Variants in PFKP observed in about 807,000 individuals in gnomAD.
The protein encoded by PFKP is phosphofructokinase, platelet, also known as ATP-dependent 6-phosphofructokinase, platelet type.
A neutral mutation model predicts 94.3 loss-of-function variants in PFKP; 101 were observed. The observed-to-expected ratio is 1.07, with a 90% CI of 0.91 to 1.26. The LOEUF is 1.26. Ranked by LOEUF, PFKP falls within the 50% of genes most tolerant of loss-of-function variation. The pLI, the probability that PFKP is intolerant of heterozygous loss-of-function variation, is 0.00. For missense variants in PFKP, 1,145 were observed against 1,103.3 expected (o/e 1.04, Z -0.53); for synonymous variants, 573 against 432.6 (o/e 1.32, Z -4.03).
chr10:3,108,260 T>C (rs77945706), intron 8 of PFKP, among the ~76,000 whole-genome samples: 2,447 of 152,308 alleles, frequency 0.016, 63 homozygotes, highest in African/African-American at 0.056. Context: ...ACCGGGCCGG[T>C]GTGCCCATGG....
intron 20 of PFKP, among the ~76,000 whole-genome samples, chr10:3,135,218 C>T (rs1228636341): frequency 6.6e-6 from 1 of 152,034 alleles, no homozygotes; most frequent in African/African-American, 2.4e-5. Context: ...CTTAATCAGT[C>T]ATAGCAGATG....
In PFKP at chr10:3,136,710, AC is replaced by A; in HGVS notation, c.*133del. On this transcript the variant is annotated 3_prime_UTR_variant, in exon 22 of 22. Transcript: ENST00000381125. ...TAATCGGCGAGTGCCCATCTGCCCC[AC>A]CTGCTCCAGTGCGTGCTGTCTGTGG... 1.1e-6 allele frequency: 1 copy of A among 919,968 alleles called. No homozygotes were observed. Among genetic ancestry groups the A allele is most frequent in the South Asian group, 1.6e-5 (1 of 62,174 alleles). 57.0% of individuals were successfully genotyped at this position (919,968 alleles called of 1,614,324 possible).
At position 3,113,367 on chromosome 10, in the gene PFKP, T is replaced by G. The variant is rs543568904; in HGVS notation, c.1225-5T>G. ...CCCAGCACTCACCTGCCTTCTGTTT[T>G]GCAGACCAATTGCAACGTAGCTGTC... On this transcript the variant is annotated splice_polypyrimidine_tract_variant and splice_region_variant and intron_variant, in intron 12 of 21. Coordinates refer to ENST00000381125, the MANE Select transcript of PFKP (RefSeq NM_002627.5). The G allele has an allele frequency of 3.2e-6, 5 of 1,580,626 alleles. No homozygotes were observed. The African/African-American group carries it at 4.0e-5, about 13-fold the overall frequency.
chr10:3,123,455 G>A (rs1334049683), intron 16 of PFKP, among the ~76,000 whole-genome samples: 4 of 152,348 alleles, frequency 2.6e-5, no homozygotes, highest in Middle Eastern at 3.4e-3. Flanking sequence ...ATAGGGAAGA[G>A]GGGAGAGAGG....
At chr10:3,109,899 GGGCAGGGA>G (rs1272031951) in intron 10 of PFKP, among the ~76,000 whole-genome samples, 26 of 151,454 alleles carry the variant, frequency 1.7e-4, no homozygotes, top group Admixed American at 4.6e-4. Context: ...GGGGCAGAGG[GGGCAGGGA>G]GGCAGGGAGG....
intron 15 of PFKP, among the ~76,000 whole-genome samples, chr10:3,119,439 C>T (rs986534329): frequency 5.3e-5 from 5 of 94,896 alleles, no homozygotes; most frequent in African/African-American, 1.2e-4. Context: ...AACCCCGTCT[C>T]TACTAAAATA....
chr10:3,108,765 G>A lies in PFKP; in HGVS notation c.935G>A (p.Gly312Glu), dbSNP rs748725900. 6.2e-7 allele frequency: 1 copy of A among 1,613,600 alleles called. No individual in the cohort carries two copies. Among genetic ancestry groups the A allele is most frequent in the Non-Finnish European group, 8.5e-7 (1 of 1,179,566 alleles). The change falls in exon 9 of 22, where the codon GGG (glycine) becomes GAG (glutamate). Residue 312 changes from glycine (G) to glutamate (E), a missense_variant. Physicochemically the swap from Gly to Glu is moderately conservative, Grantham distance 98 (BLOSUM62 -2). This residue lies in a region of PFKP where 1,119 missense variants were observed against 1,062.8 expected (regional missense o/e 1.05). Transcript: ENST00000381125. ...VTILGHVQRG[G>E]TPSAFDRILA... ...ATCCTCGGGCACGTGCAGAGAGGAG[G>A]GACCCCTTCGGCATTCGACAGGATC... is the stretch of plus-strand genomic sequence containing the variant.
chr10:3,094,207 G>T (rs1186076320), intron 2 of PFKP, among the ~76,000 whole-genome samples: 1 of 152,174 alleles, frequency 6.6e-6, no homozygotes, highest in African/African-American at 2.4e-5. Flanking sequence ...CTCTCTACAG[G>T]GGAGGAAGGG....
At chr10:3,126,257 C>T (rs954075653) in intron 16 of PFKP, among the ~76,000 whole-genome samples, 10 of 152,202 alleles carry the variant, frequency 6.6e-5, no homozygotes, top group Non-Finnish European at 7.3e-5. Flanking sequence ...CCTCAGCCTC[C>T]CACTCGAGCT....
rs374475924 is a variant in PFKP at position 3,118,876 on chromosome 10, T to C, written c.1530+7T>C. ...GATCATCGGTGGATTCGAGGTACGT[T>C]ACCGTTTCTCTCTTGCCGGTCTTGC... On this transcript the variant is annotated splice_region_variant and intron_variant, in intron 15 of 21. Transcript: ENST00000381125. 3.7e-6 allele frequency: 6 copies of C among 1,608,142 alleles called. No homozygotes were observed. Among genetic ancestry groups the C allele is most frequent in the African/African-American group, 1.3e-5 (1 of 74,776 alleles).
At chr10:3,071,048 G>A (rs1186952477) in intron 1 of PFKP, among the ~76,000 whole-genome samples, 2 of 152,016 alleles carry the variant, frequency 1.3e-5, no homozygotes, top group Non-Finnish European at 2.9e-5. Flanking sequence ...ATTGTGTCAG[G>A]CCTCCACCAT....
chr10:3,107,760 T>C (rs1835782567), intron 8 of PFKP: 1 of 983,760 alleles, frequency 1.0e-6, no homozygotes, highest in Non-Finnish European at 1.2e-6. Flanking sequence ...ACAAAGCCAC[T>C]GTGTCCTCGT....
chr10:3,077,717 C>A (rs1285106189), intron 1 of PFKP, among the ~76,000 whole-genome samples: 1 of 152,126 alleles, frequency 6.6e-6, no homozygotes, highest in Non-Finnish European at 1.5e-5. Flanking sequence ...CTGGTGTAGG[C>A]CAAGGATGAC....
At chr10:3,075,979 C>G (rs1212887538) in intron 1 of PFKP, among the ~76,000 whole-genome samples, 1 of 136,858 alleles carries the variant, frequency 7.3e-6, no homozygotes, top group Non-Finnish European at 1.5e-5. Context: ...CCACTGCAGT[C>G]CGCAGTCCGG....
At chr10:3,076,279 C>T (rs2131389790) in intron 1 of PFKP, among the ~76,000 whole-genome samples, 1 of 152,170 alleles carries the variant, frequency 6.6e-6, no homozygotes, top group East Asian at 1.9e-4. Flanking sequence ...TTTAGAAGGT[C>T]CCCATGTGGG....
At chr10:3,106,626 T>C (rs1264466665) in intron 7 of PFKP, among the ~76,000 whole-genome samples, 1 of 8,454 alleles carries the variant, frequency 1.2e-4, no homozygotes, top group Non-Finnish European at 2.3e-4. Context: ...CCACTGCCCC[T>C]TCACCCCTGC....
chr10:3,108,336 AAAG>A (rs1228489373), intron 8 of PFKP, among the ~76,000 whole-genome samples: 1 of 152,242 alleles, frequency 6.6e-6, no homozygotes, highest in Non-Finnish European at 1.5e-5. Flanking sequence ...TGAACAAATT[AAAG>A]CTGGTTCAAG....
chr10:3,080,396 A>G (rs1352651082), intron 1 of PFKP, among the ~76,000 whole-genome samples: 1 of 151,992 alleles, frequency 6.6e-6, no homozygotes, highest in Admixed American at 6.6e-5. Context: ...GGGCGCCTGT[A>G]GTCCCAGCTG....
At chr10:3,086,507 A>G (rs927595013) in intron 2 of PFKP, among the ~76,000 whole-genome samples, 1 of 152,174 alleles carries the variant, frequency 6.6e-6, no homozygotes, top group Non-Finnish European at 1.5e-5. Context: ...TGATTGTGCC[A>G]TTATTGAAAG....
Sources: gnomAD v4.1 joint callset for allele counts (sites outside exome capture counted in the v4.1 genomes callset) on GRCh38, gnomAD v4.1.1 for gene constraint, gnomAD v4.1.1 regional missense constraint, MANE v1.5 for transcripts, NCBI Gene and HGNC (gene_info 2026-07-23, HGNC 2026-07-21) for gene names.